GPR55: variants seen among roughly 807,000 people sequenced by gnomAD.
GPR55 encodes the protein G-protein coupled receptor 55.
Under a neutral mutation model 7.9 loss-of-function variants are expected in GPR55, and 6 were observed. That is an observed-to-expected ratio of 0.76 (90% CI 0.41 to 1.49). The LOEUF is 1.49. Ranked by LOEUF, GPR55 falls within the 40% of genes most tolerant of loss-of-function variation. The pLI is 0.01. For synonymous variants in GPR55, 183 were observed against 166.8 expected (o/e 1.10, Z -0.75); for missense variants, 376 against 406.0 (o/e 0.93, Z 0.63).
intron 1 of GPR55, among the ~76,000 whole-genome samples, chr2:230,912,854 G>A (rs1005582604): frequency 7.2e-5 from 11 of 152,296 alleles, no homozygotes; most frequent in Admixed American, 3.3e-4. Context: ...AAGAACAAGC[G>A]TAGGAAAGTC....
intron 1 of GPR55, among the ~76,000 whole-genome samples, chr2:230,918,237 T>C (rs1450931715): frequency 6.6e-6 from 1 of 152,160 alleles, no homozygotes; most frequent in African/African-American, 2.4e-5. Flanking sequence ...AGGGCTCAAA[T>C]GGTCATAACT....
At chr2:230,916,128 C>T (rs1215788000) in intron 1 of GPR55, among the ~76,000 whole-genome samples, 4 of 151,868 alleles carry the variant, frequency 2.6e-5, no homozygotes, top group Non-Finnish European at 1.5e-5. Flanking sequence ...AATCCCAGCA[C>T]TTTGGGAGGC....
intron 1 of GPR55, among the ~76,000 whole-genome samples, chr2:230,914,061 A>G (rs6747728): frequency 0.33 from 50,897 of 152,126 alleles, 10,412 homozygotes; most frequent in African/African-American, 0.58. Context: ...GTTACCGGCC[A>G]ACTGCATGGA....
intron 1 of GPR55, among the ~76,000 whole-genome samples, chr2:230,946,430 T>G (rs1691319248): frequency 6.6e-6 from 1 of 152,258 alleles, no homozygotes; most frequent in Non-Finnish European, 1.5e-5. Context: ...TAGCTTGATT[T>G]AATCATTTCC....
At chr2:230,911,210 A>G in intron 1 of GPR55, 114 bp from the exon 2 acceptor site, 2 of 492,190 alleles carry the variant, frequency 4.1e-6, no homozygotes, top group East Asian at 6.5e-5. Context: ...TACCATACAC[A>G]CATTTTTCTT....
At chr2:230,940,780 G>C (rs533498986) in intron 1 of GPR55, among the ~76,000 whole-genome samples, 2 of 152,226 alleles carry the variant, frequency 1.3e-5, no homozygotes, top group African/African-American at 2.4e-5. Flanking sequence ...GGTGGGAAAC[G>C]GGAGTATCCC....
chr2:230,916,141 A>G (rs1174818378), intron 1 of GPR55, among the ~76,000 whole-genome samples: 1 of 152,098 alleles, frequency 6.6e-6, no homozygotes, highest in Admixed American at 6.6e-5. Context: ...TGGGAGGCCA[A>G]GGTTGAAGGA....
chr2:230,930,493 T>C (rs570105744), intron 1 of GPR55, among the ~76,000 whole-genome samples: 1 of 151,698 alleles, frequency 6.6e-6, no homozygotes, highest in East Asian at 1.9e-4. Context: ...GAGTCTCACT[T>C]AGGCTGGGGT....
In GPR55 at chr2:230,910,659, A is replaced by G; in HGVS notation, c.304T>C (p.Phe102Leu). 6.2e-7 allele frequency: 1 copy of G among 1,613,856 alleles called. No individual in the cohort carries two copies. Among genetic ancestry groups the G allele is most frequent in the Non-Finnish European group, 8.5e-7 (1 of 1,179,908 alleles). Reference sequence around the variant, plus strand: ...AAGACGCTTCCGTACATGCTGACGAAGTAAAGGCACTCCACCAGGGTGCAC... The same window carrying G: ...AAGACGCTTCCGTACATGCTGACGAGGTAAAGGCACTCCACCAGGGTGCAC... ...SLCTLVECLY[F>L]VSMYGSVFTI... The change falls in exon 2 of 2, where the codon TTC becomes CTC. Residue 102 changes from phenylalanine to leucine, a missense_variant. By Grantham distance (22) the Phe-to-Leu change is conservative. Transcript: ENST00000650999. The surrounding 1 kb of genome is among the most constrained non-coding windows in gnomAD (Gnocchi z 5.4).
chr2:230,936,318 G>A lies in GPR55; in HGVS notation c.-135+24457C>T, dbSNP rs545388572. Among the ~76,000 whole-genome samples the A allele has an allele frequency of 5.3e-5, 8 of 152,254 alleles. No individual in the cohort carries two copies. In the East Asian group the frequency reaches 1.5e-3, roughly 29 times the overall value. On this transcript the variant is annotated intron_variant, in intron 1 of 1. Transcript: ENST00000392039. Reference sequence around the variant, plus strand: ...ATCCTCACATGTCGTAGGATCGTAGGAGGAACCTGGTAGGAGGTAATTGAA... The same window carrying A: ...ATCCTCACATGTCGTAGGATCGTAGAAGGAACCTGGTAGGAGGTAATTGAA...
At chr2:230,913,907 T>A (rs933677666) in intron 1 of GPR55, among the ~76,000 whole-genome samples, 2 of 152,144 alleles carry the variant, frequency 1.3e-5, no homozygotes, top group Non-Finnish European at 2.9e-5. Flanking sequence ...TAAGAATGAA[T>A]ACAAGTTTAT....
At chr2:230,949,310 C>T (rs1307750875) in intron 1 of GPR55, among the ~76,000 whole-genome samples, 3 of 152,138 alleles carry the variant, frequency 2.0e-5, no homozygotes, top group Non-Finnish European at 2.9e-5. Flanking sequence ...ATTACAGGCA[C>T]CTGCCACCAC....
intron 1 of GPR55, among the ~76,000 whole-genome samples, chr2:230,931,062 A>C (rs1691030813): frequency 6.6e-6 from 1 of 152,038 alleles, no homozygotes; most frequent in Non-Finnish European, 1.5e-5. Flanking sequence ...CAGCACTCAC[A>C]CCCTATTCTC....
chr2:230,919,353 A>G (rs1228729368), intron 1 of GPR55, among the ~76,000 whole-genome samples: 2 of 152,184 alleles, frequency 1.3e-5, no homozygotes, highest in Non-Finnish European at 2.9e-5. Flanking sequence ...ACATCAAATA[A>G]TGTACTCGAA....
intron 1 of GPR55, among the ~76,000 whole-genome samples, chr2:230,953,684 G>A (rs536429085): frequency 6.6e-6 from 1 of 152,350 alleles, no homozygotes; most frequent in African/African-American, 2.4e-5. Context: ...CATCTTCCCA[G>A]ACACTATCAG....
rs1690494927 is a variant in GPR55 at position 230,908,085 on chromosome 2, G to C, written c.*1918C>G. On this transcript the variant is annotated 3_prime_UTR_variant, in exon 2 of 2. Transcript: ENST00000650999. Reference sequence around the variant, plus strand: ...CTCTGTCTAGGGTGGCCATGGGAGAGGGCAGCCTGCAGGCAAGGAGAGGAG... The same window carrying C: ...CTCTGTCTAGGGTGGCCATGGGAGACGGCAGCCTGCAGGCAAGGAGAGGAG... The C allele has an allele frequency of 6.6e-6, 1 of 152,406 alleles. No homozygotes were observed. Among genetic ancestry groups the C allele is most frequent in the Non-Finnish European group, 1.5e-5 (1 of 68,254 alleles). The allele number at this position is 152,406 out of a possible 1,614,324, so 9.4% of individuals were successfully genotyped here.
At chr2:230,921,212 A>AAAATGG (rs111452715) in intron 1 of GPR55, among the ~76,000 whole-genome samples, 30,014 of 151,972 alleles carry the variant, frequency 0.2, 3,066 homozygotes, top group East Asian at 0.3. Flanking sequence ...GAAATTTTAA[A>AAAATGG]AAATGGAAAT....
intron 1 of GPR55, among the ~76,000 whole-genome samples, chr2:230,953,692 CA>C (rs1199757011): frequency 6.6e-6 from 1 of 152,222 alleles, no homozygotes; most frequent in Non-Finnish European, 1.5e-5. Context: ...CAGACACTAT[CA>C]GGGGACAAGA....
chr2:230,920,280 C>A (rs576846135), intron 1 of GPR55, among the ~76,000 whole-genome samples: 1 of 151,914 alleles, frequency 6.6e-6, no homozygotes, highest in Non-Finnish European at 1.5e-5. Context: ...CATGGCAGGG[C>A]GCAAGGTTTA....
Sources: allele counts gnomAD v4.1 joint callset (sites outside exome capture counted in the v4.1 genomes callset), GRCh38; gene constraint gnomAD v4.1.1; non-coding constraint Gnocchi (gnomAD v3.1); transcripts MANE v1.5; gene names NCBI Gene and HGNC (gene_info 2026-07-23, HGNC 2026-07-21).